The following VSTM5 variants were observed in gnomAD, a reference collection of about 807,000 sequenced individuals.
The protein encoded by VSTM5 is V-set and transmembrane domain-containing protein 5.
In VSTM5, 21 loss-of-function variants were observed where a neutral mutation model predicts 20.3. The observed-to-expected ratio is 1.03, with a 90% CI of 0.73 to 1.49. The LOEUF (loss-of-function observed/expected upper bound fraction) is 1.49. Among genes scored for constraint, VSTM5 ranks in the 40% most tolerant of loss-of-function variants. The pLI is 0.00. For synonymous variants in VSTM5, 100 were observed against 102.5 expected, an observed-to-expected ratio of 0.98 and a Z score of 0.14; for missense variants, 219 against 250.0, an observed-to-expected ratio of 0.88 and a Z score of 0.84.
chr11:93,840,623 C>T (rs536898274), intron 1 of VSTM5, among the ~76,000 whole-genome samples: 1 of 152,162 alleles, frequency 6.6e-6, no homozygotes, highest in Non-Finnish European at 1.5e-5. Flanking sequence ...GCTCTGGGGG[C>T]TTAGGAGGAA....
At chr11:93,850,368 C>G (rs867013357) in intron 1 of VSTM5, 44 bp downstream of exon 1, 2 of 1,527,192 alleles carry the variant, frequency 1.3e-6, no homozygotes, top group Middle Eastern at 1.7e-4. Flanking sequence ...GCCCCCCTAC[C>G]CATTCCCGCT....
chr11:93,842,591 G>A (rs78470306), intron 1 of VSTM5, among the ~76,000 whole-genome samples: 2,146 of 152,362 alleles, frequency 0.014, 44 homozygotes, highest in African/African-American at 0.047. Flanking sequence ...AAGGGGTTGG[G>A]GAGCTGGCTG....
intron 1 of VSTM5, 31 bp from the exon 2 acceptor site, chr11:93,821,354 A>G (rs764055899): frequency 3.2e-5 from 49 of 1,524,022 alleles, no homozygotes; most frequent in Middle Eastern, 3.4e-4. Flanking sequence ...TGTTGGGCAC[A>G]TATATATGGC....
intron 1 of VSTM5, among the ~76,000 whole-genome samples, chr11:93,823,290 T>C (rs953906402): frequency 6.6e-6 from 1 of 152,062 alleles, no homozygotes; most frequent in Admixed American, 6.6e-5. Flanking sequence ...AGTGTTGGGA[T>C]TACAAGTGTG....
Position 93,821,185 on chromosome 11 carries a change from T to C in VSTM5, c.230A>G (p.Lys77Arg). 6.4e-7 allele frequency: 1 copy of C among 1,552,218 alleles called. No individual in the cohort carries two copies. The change falls in exon 2 of 4, where the codon AAG becomes AGG. Residue 77 changes from lysine (K) to arginine (R), a missense_variant. Transcript: ENST00000409977. The stretch of plus-strand genomic sequence containing the variant: ...AGTCCCTGGTTTCCACTCCACGATC[T>C]TCTGCGTTCCCCAATTGGATGAATA... ...WTYSSNWGTQ[K>R]IVEWKPGTQA...
chr11:93,847,079 T>G (rs924610229), intron 1 of VSTM5, among the ~76,000 whole-genome samples: 1 of 152,212 alleles, frequency 6.6e-6, no homozygotes, highest in African/African-American at 2.4e-5. Flanking sequence ...GATTGCATTT[T>G]TTAAAAGTAC....
intron 1 of VSTM5, among the ~76,000 whole-genome samples, chr11:93,830,804 G>C (rs1944276664): frequency 6.6e-6 from 1 of 151,336 alleles, no homozygotes; most frequent in Non-Finnish European, 1.5e-5. Flanking sequence ...TGAGGCTGGA[G>C]TGCAGTGGGT....
At position 93,821,309 on chromosome 11, in the gene VSTM5, G is replaced by A. The variant is rs1438240318; in HGVS notation, c.106C>T (p.Leu36=). Residue 36 remains leucine (L), a synonymous_variant, in exon 2 of 4, where the codon CTA becomes TTA. Transcript: ENST00000409977. The part of the protein sequence containing the change: ...ARCLQSQGVS[L]YIPQATINAT... ...TTGATGGTGGCCTGAGGAATGTATA[G>A]GGACACACCCTGACCTGCAGGATGA... The A allele has an allele frequency of 6.4e-7, 1 of 1,551,426 alleles. No individual in the cohort carries two copies. The highest frequency in any genetic ancestry group is 2.0e-5 in the Admixed American group (1 of 50,996).
Position 93,821,061 on chromosome 11 carries a change from ATAG to A in VSTM5, c.351_353del (p.Tyr118del). The A allele has an allele frequency of 6.4e-7, 1 of 1,551,750 alleles. No individual in the cohort carries two copies. The highest frequency in any genetic ancestry group is 8.7e-7 in the Non-Finnish European group (1 of 1,147,000). ...CCAGGCGCTCCGTCACGGTGATGAC[ATAG>A]TAGCCGGAATCCCTCACTCCCACGC... On this transcript the variant is annotated inframe_deletion, in exon 2 of 4. Coordinates refer to ENST00000409977, the MANE Select transcript of VSTM5 (RefSeq NM_001144871.2).
At position 93,820,561 on chromosome 11, in the gene VSTM5, A is replaced by G. The variant is rs1242829885; in HGVS notation, c.*8T>C. Reference sequence around the variant, plus strand: ...TTGAGGTAGGAATGCAGTCAGGCCCAGCCTTGGCTAACACTCAACATCTTC... The same window carrying G: ...TTGAGGTAGGAATGCAGTCAGGCCCGGCCTTGGCTAACACTCAACATCTTC... On this transcript the variant is annotated 3_prime_UTR_variant, in exon 4 of 4. Transcript: ENST00000409977. 2 of 1,551,840 alleles carry G rather than the reference A, an allele frequency of 1.3e-6. No individual in the cohort carries two copies. Among genetic ancestry groups the G allele is most frequent in the African/African-American group, 2.7e-5 (2 of 73,056 alleles).
Position 93,820,436 on chromosome 11 carries a change from G to C in VSTM5, c.*133C>G. ...TCCTCAACTCCATGCAGTCAATGTTGTTAATCTCCCACTGTCCTGTTAGGA... is the reference window on the plus strand; with the variant it reads ...TCCTCAACTCCATGCAGTCAATGTTCTTAATCTCCCACTGTCCTGTTAGGA... On this transcript the variant is annotated 3_prime_UTR_variant, in exon 4 of 4. Transcript: ENST00000409977. The C allele has an allele frequency of 1.1e-6, 1 of 916,140 alleles. No individual in the cohort carries two copies. The highest frequency in any genetic ancestry group is 1.7e-6 in the Non-Finnish European group (1 of 595,668). The allele number at this position is 916,140 out of a possible 1,614,324, so 56.8% of individuals were successfully genotyped here. A position where few individuals can be genotyped will look rare whatever the true frequency, so the allele number is the denominator to read the frequency against.
intron 1 of VSTM5, among the ~76,000 whole-genome samples, chr11:93,845,364 C>T (rs911408470): frequency 1.3e-5 from 2 of 152,190 alleles, no homozygotes; most frequent in South Asian, 4.1e-4. Context: ...ATGGCACGGA[C>T]CTGAACTGCC....
In VSTM5 at chr11:93,818,966, C is replaced by G. The variant is rs777063337; in HGVS notation, c.*1603G>C. The G allele has an allele frequency of 6.6e-6, 1 of 152,184 alleles. No homozygotes were observed. Among genetic ancestry groups the G allele is most frequent in the Admixed American group, 6.5e-5 (1 of 15,276 alleles). The allele number at this position is 152,184 out of a possible 1,614,324, so 9.4% of individuals were successfully genotyped here. A position where few individuals can be genotyped will look rare whatever the true frequency, so the allele number is the denominator to read the frequency against. On this transcript the variant is annotated 3_prime_UTR_variant, in exon 4 of 4. Transcript: ENST00000409977. ...GCTACACATCCGTTGTGTAGACCAACTGCTGTCGCCTTTTGAATCAAGCAG... is the reference window on the plus strand; with the variant it reads ...GCTACACATCCGTTGTGTAGACCAAGTGCTGTCGCCTTTTGAATCAAGCAG...
intron 1 of VSTM5, among the ~76,000 whole-genome samples, chr11:93,848,987 T>C (rs1553604): frequency 0.55 from 83,231 of 152,094 alleles, 24,046 homozygotes; most frequent in East Asian, 0.72. Flanking sequence ...TCTTGATCCA[T>C]AGCTGCCAGA....
intron 1 of VSTM5, 24 bp downstream of exon 1, chr11:93,850,388 C>T (rs1382847258): frequency 5.2e-6 from 8 of 1,542,926 alleles, no homozygotes; most frequent in Non-Finnish European, 7.0e-6. Flanking sequence ...TCCCCCAGCA[C>T]CCGGGGCGTC....
intron 1 of VSTM5, among the ~76,000 whole-genome samples, chr11:93,840,813 A>G (rs1442065897): frequency 1.3e-5 from 2 of 152,130 alleles, no homozygotes; most frequent in Non-Finnish European, 2.9e-5. Flanking sequence ...GTGCATTTCT[A>G]ACAAGTGCTT....
chr11:93,839,474 C>T (rs561430990), intron 1 of VSTM5, among the ~76,000 whole-genome samples: 2 of 152,342 alleles, frequency 1.3e-5, no homozygotes, highest in East Asian at 3.9e-4. Flanking sequence ...ATTTGGCCTC[C>T]CTGAATCTGT....
At chr11:93,848,107 C>T (rs1944428507) in intron 1 of VSTM5, among the ~76,000 whole-genome samples, 2 of 152,140 alleles carry the variant, frequency 1.3e-5, no homozygotes, top group Admixed American at 1.3e-4. Flanking sequence ...CTTGGGAGGA[C>T]CCATACATTT....
At chr11:93,841,101 G>T (rs1298666589) in intron 1 of VSTM5, among the ~76,000 whole-genome samples, 1 of 151,396 alleles carries the variant, frequency 6.6e-6, no homozygotes, top group South Asian at 2.1e-4. Context: ...CCCTCTTCCA[G>T]GTCTCAGAGG....
Sources: gnomAD v4.1 joint callset for allele counts (sites outside exome capture counted in the v4.1 genomes callset) on GRCh38, gnomAD v4.1.1 for gene constraint, MANE v1.5 for transcripts, NCBI Gene and HGNC (gene_info 2026-07-23, HGNC 2026-07-21) for gene names.